The following C20orf96 variants were observed in gnomAD, a reference collection of about 807,000 sequenced individuals.
C20orf96 encodes the protein uncharacterized protein C20orf96.
A neutral mutation model predicts 52.6 loss-of-function variants in C20orf96; 57 were observed. The ratio of observed to expected loss-of-function variants is 1.08; its 90% CI spans 0.88 to 1.35. The LOEUF (loss-of-function observed/expected upper bound fraction) is 1.35. C20orf96 is among the 40% of genes most tolerant of loss of function. The pLI is 0.00. For missense variants in C20orf96, 478 were observed against 443.6 expected, an observed-to-expected ratio of 1.08 and a Z score of -0.70; for synonymous variants, 168 against 157.2, an observed-to-expected ratio of 1.07 and a Z score of -0.51.
At chr20:276,447 G>A (rs2012026100) in intron 9 of C20orf96, 1 of 985,438 alleles carries the variant, frequency 1.0e-6, no homozygotes. Flanking sequence ...AGAAGGCAGT[G>A]ATGGTGAAGT....
chr20:279,452 G>T (rs1600187556), intron 4 of C20orf96, 122 bp from the exon 5 acceptor site: 1 of 1,131,454 alleles, frequency 8.8e-7, no homozygotes, highest in Non-Finnish European at 1.2e-6. Flanking sequence ...CCTCCTGCTG[G>T]TAAACGCGGC....
rs1370751797 is a variant in C20orf96, at chr20:277,026, C to G, written c.825+18G>C. On this transcript the variant is annotated intron_variant, in intron 8 of 10. Transcript: ENST00000360321. ...TGAGACCTGGATCCCCGCTCCCACA[C>G]AGCAACTGGCTACTCACCGCCACCA... 1.2e-6 allele frequency: 2 copies of G among 1,610,212 alleles called. No homozygotes were observed. The highest frequency in any genetic ancestry group is 1.7e-6 in the Non-Finnish European group (2 of 1,177,548).
chr20:272,451 G>A (rs144951283), intron 10 of C20orf96, among the ~76,000 whole-genome samples: 33 of 152,294 alleles, frequency 2.2e-4, no homozygotes, highest in African/African-American at 7.7e-4. Context: ...ACTGCAGCCT[G>A]GAACTCCTCA....
intron 5 of C20orf96, 57 bp from the exon 6 acceptor site, chr20:278,486 C>T: frequency 7.4e-7 from 1 of 1,351,908 alleles, no homozygotes; most frequent in Non-Finnish European, 1.1e-6. Flanking sequence ...CAGAGGCGGC[C>T]ACCCAGCACT....
chr20:279,138 G>GGACGGAGGTTGGGACGGAT, intron 5 of C20orf96, 34 bp downstream of exon 5: 1 of 1,505,666 alleles, frequency 6.6e-7, no homozygotes, highest in South Asian at 1.2e-5. Context: ...TTGGGACGGA[G>GGACGGAGGTTGGGACGGAT]GGACGGAGGG....
chr20:280,094 G>A lies in C20orf96; in HGVS notation c.307-764C>T, dbSNP rs548319229. ...ACGTCAGCATTTCCGGGCAGGCCGC[G>A]GAGTCAATGAGTACTCTCATTTCAC... On this transcript the variant is annotated intron_variant, in intron 4 of 10. Transcript: ENST00000360321. 5.3e-5 allele frequency among the ~76,000 whole-genome samples: 8 copies of A among 152,250 alleles called. No individual in the cohort carries two copies. The South Asian group carries it at 1.2e-3, about 24-fold the overall frequency.
In C20orf96 at chr20:289,002, G is replaced by A. The variant is rs150144369; in HGVS notation, c.187+557C>T. Reference sequence around the variant, plus strand: ...CTGCCTGAGCCTGACCCAAGGCCTCGGAACTCCCCTGTAAAGCATGATAAT... The same window carrying A: ...CTGCCTGAGCCTGACCCAAGGCCTCAGAACTCCCCTGTAAAGCATGATAAT... On this transcript the variant is annotated intron_variant, in intron 3 of 10. Coordinates refer to ENST00000360321, the MANE Select transcript of C20orf96 (RefSeq NM_153269.3). Among the ~76,000 whole-genome samples the A allele has an allele frequency of 2.6e-3, 388 of 152,104 alleles. 2 individuals are homozygous for A. The highest frequency in any genetic ancestry group is 8.7e-3 in the African/African-American group (362 of 41,488).
intron 10 of C20orf96, among the ~76,000 whole-genome samples, chr20:275,622 T>C (rs1029976130): frequency 6.6e-6 from 1 of 152,176 alleles, no homozygotes; most frequent in Admixed American, 6.5e-5. Context: ...CAGGCTATTC[T>C]TCCCTGAAGC....
chr20:270,989 AGGAG>A lies in C20orf96; in HGVS notation c.*214_*217del, dbSNP rs933313420. The A allele has an allele frequency of 3.8e-5, 19 of 496,516 alleles. No individual in the cohort carries two copies. Among genetic ancestry groups the A allele is most frequent in the Admixed American group, 2.4e-4 (6 of 25,176 alleles). The allele number at this position is 496,516 out of a possible 1,614,324, so 30.8% of individuals were successfully genotyped here. On this transcript the variant is annotated 3_prime_UTR_variant, in exon 11 of 11. Transcript: ENST00000360321. ...AGGAAAAAACCACAGGAAGAAAGAA[AGGAG>A]GGAGGGAGGGAGAGGAGGAAGGAAG...
intron 4 of C20orf96, among the ~76,000 whole-genome samples, chr20:279,815 C>CA (rs1347804363): frequency 3.9e-5 from 6 of 152,002 alleles, no homozygotes; most frequent in Non-Finnish European, 8.8e-5. Flanking sequence ...ACTAAAAATA[C>CA]AAAAATTAGC....
At position 272,473 on chromosome 20, in the gene C20orf96, T is replaced by C. The variant is rs566052094; in HGVS notation, c.1032-1206A>G. ...CCTGGAACTCCTCAATCGATCCTCC[T>C]GCCTCCCAAATAGCTGGGACCACAG... On this transcript the variant is annotated intron_variant, in intron 10 of 10. Coordinates refer to ENST00000360321, the MANE Select transcript of C20orf96 (RefSeq NM_153269.3). 6.6e-5 allele frequency among the ~76,000 whole-genome samples: 10 copies of C among 152,314 alleles called. No homozygotes were observed. In the South Asian group the frequency reaches 1.9e-3, roughly 28 times the overall value.
chr20:272,560 T>TTG (rs2011876587), intron 10 of C20orf96, among the ~76,000 whole-genome samples: 1 of 152,128 alleles, frequency 6.6e-6, no homozygotes, highest in African/African-American at 2.4e-5. Flanking sequence ...TCTCACTATG[T>TTG]TGTCCCCCTG....
intron 10 of C20orf96, among the ~76,000 whole-genome samples, chr20:274,588 T>C (rs2011955411): frequency 6.6e-6 from 1 of 152,152 alleles, no homozygotes; most frequent in African/African-American, 2.4e-5. Flanking sequence ...TCTCATTCAC[T>C]GTGTTCAGAG....
Position 279,182 on chromosome 20 carries a change from T to C in C20orf96, c.455A>G (p.Asp152Gly), listed in dbSNP as rs776645140. ...LHVRALLQQQ[D>G]TLATIIDILE... ...TGCCGCGGGTCTCACCGCCAGGGTG[T>C]CCTGCTGCTGCAGCAGGGCCCGCAC... is the stretch of plus-strand genomic sequence containing the variant. Residue 152 changes from aspartate (D) to glycine (G), a missense_variant, in exon 5 of 11, where the codon GAC (aspartate) becomes GGC (glycine). Coordinates refer to ENST00000360321, the MANE Select transcript of C20orf96 (RefSeq NM_153269.3). 88 of 1,594,220 alleles carry C rather than the reference T, an allele frequency of 5.5e-5. No individual in the cohort carries two copies. Among genetic ancestry groups the C allele is most frequent in the Non-Finnish European group, 7.5e-5 (88 of 1,173,798 alleles).
rs200900480 is a variant in C20orf96, at chr20:278,420, C to T, written c.475G>A (p.Asp159Asn). 1.1e-4 allele frequency: 180 copies of T among 1,613,590 alleles called. 1 individual carries two copies. In the East Asian group the frequency reaches 4.0e-3, roughly 36 times the overall value. Residue 159 changes from aspartate (D) to asparagine (N), a missense_variant, in exon 6 of 11, where the codon GAC (aspartate) becomes AAC (asparagine). Physicochemically the swap from Asp to Asn is conservative, Grantham distance 23 (BLOSUM62 1). Coordinates refer to ENST00000360321, the MANE Select transcript of C20orf96 (RefSeq NM_153269.3). Reference sequence around the variant, plus strand: ...TTCTTGTTTGAGTACTCCAAGATGTCGATGATGGTCTGCGGGAGGGGTGGA... The same window carrying T: ...TTCTTGTTTGAGTACTCCAAGATGTTGATGATGGTCTGCGGGAGGGGTGGA... Reference protein sequence around the residue: ...QQQDTLATIIDILEYSNKKRL... With the variant: ...QQQDTLATIINILEYSNKKRL...
At chr20:271,983 A>G (rs1371787743) in intron 10 of C20orf96, among the ~76,000 whole-genome samples, 1 of 152,164 alleles carries the variant, frequency 6.6e-6, no homozygotes, top group Non-Finnish European at 1.5e-5. Flanking sequence ...CTCTCTTCCA[A>G]GGAGACCATC....
chr20:279,475 G>T, intron 4 of C20orf96, 145 bp from the exon 5 acceptor site: 1 of 890,902 alleles, frequency 1.1e-6, no homozygotes, highest in Non-Finnish European at 1.6e-6. Context: ...AAGCTGGGCG[G>T]TTCCCCATTG....
Position 279,419 on chromosome 20 carries a change from G to A in C20orf96, c.307-89C>T, listed in dbSNP as rs888439576. On this transcript the variant is annotated intron_variant, in intron 4 of 10. Transcript: ENST00000360321. ...CCCGTGGACCCGCCGCCCCGGCCCCGCCAGACGCCCGCCCCCGTGCGGCCT... is the reference window on the plus strand; with the variant it reads ...CCCGTGGACCCGCCGCCCCGGCCCCACCAGACGCCCGCCCCCGTGCGGCCT... 4 of 1,378,854 alleles carry A rather than the reference G, an allele frequency of 2.9e-6. No homozygotes were observed. The African/African-American group carries it at 4.6e-5, about 16-fold the overall frequency. 85.4% of individuals were successfully genotyped at this position (1,378,854 alleles called of 1,614,324 possible).
chr20:279,218 G>C lies in C20orf96; in HGVS notation c.419C>G (p.Thr140Arg). The change falls in exon 5 of 11, where the codon ACG (threonine) becomes AGG (arginine). Residue 140 changes from threonine to arginine, a missense_variant. Transcript: ENST00000360321. ...CAGCAGGGCCCGCACGTGCAGGGTC[G>C]TGCTGTTCTCCATCTCCTGGATGGT... ...IETIQEMENS[T>R]TLHVRALLQQ... 1 of 1,609,908 alleles carries C rather than the reference G, an allele frequency of 6.2e-7. No individual in the cohort carries two copies. The highest frequency in any genetic ancestry group is 8.5e-7 in the Non-Finnish European group (1 of 1,178,988).
Sources: gnomAD v4.1 joint callset for allele counts (sites outside exome capture counted in the v4.1 genomes callset) on GRCh38, gnomAD v4.1.1 for gene constraint, MANE v1.5 for transcripts, NCBI Gene and HGNC (gene_info 2026-07-23, HGNC 2026-07-21) for gene names.